Variants in FBXL20 observed in about 807,000 individuals in gnomAD.
FBXL20 encodes the protein F-box/LRR-repeat protein 20.
FBXL20 carries 11 observed loss-of-function variants against 64.0 expected under a neutral mutation model. The ratio of observed to expected loss-of-function variants is 0.17; its 90% CI spans 0.11 to 0.28. The LOEUF (loss-of-function observed/expected upper bound fraction) is 0.28. FBXL20 is among the 10% of genes least tolerant of loss of function. FBXL20 has a pLI of 1.00. For synonymous variants in FBXL20, 184 were observed against 189.0 expected, an observed-to-expected ratio of 0.97 and a Z score of 0.22; for missense variants, 303 against 526.2, an observed-to-expected ratio of 0.58 and a Z score of 4.15.
At chr17:39,272,390 A>T (rs1187611728) in intron 10 of FBXL20, among the ~76,000 whole-genome samples, 1 of 148,218 alleles carries the variant, frequency 6.7e-6, no homozygotes, top group Non-Finnish European at 1.5e-5. Context: ...GTCTCAAAAA[A>T]AAAAAAAAAA....
At chr17:39,303,892 C>A (rs972090188) in intron 2 of FBXL20, among the ~76,000 whole-genome samples, 1 of 152,042 alleles carries the variant, frequency 6.6e-6, no homozygotes, top group Admixed American at 6.6e-5. Context: ...CACCATGTTG[C>A]CCAGGCTGGT....
chr17:39,397,852 A>T (rs2048198608), intron 1 of FBXL20, among the ~76,000 whole-genome samples: 1 of 149,132 alleles, frequency 6.7e-6, no homozygotes, highest in Non-Finnish European at 1.5e-5. Flanking sequence ...ATGACAGTGG[A>T]GTCAAAAAAA....
intron 2 of FBXL20, among the ~76,000 whole-genome samples, chr17:39,323,529 G>A (rs180817931): frequency 3.5e-4 from 51 of 146,586 alleles, no homozygotes; most frequent in African/African-American, 1.2e-3. Context: ...CAGTTAAGAA[G>A]GGGGTTTTCT....
At chr17:39,288,007 G>A (rs1404400535) in intron 6 of FBXL20, among the ~76,000 whole-genome samples, 3 of 135,180 alleles carry the variant, frequency 2.2e-5, no homozygotes, top group African/African-American at 6.0e-5. Flanking sequence ...TCTGTCACCC[G>A]GGCTGGAGTG....
Position 39,266,447 on chromosome 17 carries a change from C to T in FBXL20, c.934-994G>A, listed in dbSNP as rs769800874. On this transcript the variant is annotated intron_variant, in intron 12 of 14. Transcript: ENST00000264658. ...GTTGGCCAGGCAGATCTCAAACTCC[C>T]GACCTCAGGTGATCCACCTACCTCA... is the stretch of plus-strand genomic sequence containing the variant. Among the ~76,000 whole-genome samples the T allele has an allele frequency of 4.6e-5, 7 of 151,966 alleles. No individual in the cohort carries two copies. The East Asian group carries it at 9.6e-4, about 21-fold the overall frequency.
At chr17:39,401,798 G>C, upstream of FBXL20, 1 of 883,888 alleles carries the variant, frequency 1.1e-6, no homozygotes, top group Non-Finnish European at 1.4e-6. Flanking sequence ...GGCCGGCCCT[G>C]ACGGCGCTCC....
intron 4 of FBXL20, among the ~76,000 whole-genome samples, chr17:39,300,352 A>G (rs540100556): frequency 6.6e-6 from 1 of 152,308 alleles, no homozygotes; most frequent in South Asian, 2.1e-4. Flanking sequence ...ATCCTTAAGA[A>G]GCCATGAAGA....
chr17:39,307,482 G>A (rs1242136180), intron 2 of FBXL20, among the ~76,000 whole-genome samples: 2 of 152,174 alleles, frequency 1.3e-5, no homozygotes, highest in Non-Finnish European at 2.9e-5. Flanking sequence ...AGAATAGACA[G>A]TGAAGCTGGA....
intron 2 of FBXL20, among the ~76,000 whole-genome samples, chr17:39,328,964 G>A (rs1376276653): frequency 6.6e-6 from 1 of 152,164 alleles, no homozygotes; most frequent in African/African-American, 2.4e-5. Context: ...AGAGGTGGGA[G>A]GATTGCTTGA....
intron 2 of FBXL20, among the ~76,000 whole-genome samples, chr17:39,337,216 A>G (rs2047531648): frequency 6.6e-6 from 1 of 152,262 alleles, no homozygotes; most frequent in East Asian, 1.9e-4. Context: ...TCCAGCTCCT[A>G]ACCACGAGTG....
chr17:39,263,874 CTTTT>C (rs751141112), intron 14 of FBXL20: 12 of 159,870 alleles, frequency 7.5e-5, no homozygotes, highest in South Asian at 3.5e-4. Flanking sequence ...GTGGCATGTG[CTTTT>C]TTTTTTTTTT....
At chr17:39,315,802 T>C (rs2047282163) in intron 2 of FBXL20, among the ~76,000 whole-genome samples, 2 of 128,132 alleles carry the variant, frequency 1.6e-5, no homozygotes, top group Non-Finnish European at 3.5e-5. Context: ...GAAGAGGGGA[T>C]CTTTGAGAGA....
In FBXL20 at chr17:39,401,352, A is replaced by G. The variant is rs906885264; in HGVS notation, c.42+9T>C. ...CTCCTCACGCCGCCCGAGCCCCCCA[A>G]GCTCACACCTCAAACCTGCTCTTGG... On this transcript the variant is annotated intron_variant, in intron 1 of 14. Transcript: ENST00000264658. The G allele has an allele frequency of 1.2e-6, 2 of 1,612,944 alleles. No homozygotes were observed. Among genetic ancestry groups the G allele is most frequent in the East Asian group, 2.2e-5 (1 of 44,832 alleles).
intron 7 of FBXL20, 33 bp downstream of exon 7, chr17:39,285,444 TG>T: frequency 7.1e-7 from 1 of 1,406,044 alleles, no homozygotes; most frequent in Non-Finnish European, 9.7e-7. Context: ...TATTTTTTTT[TG>T]ATTACTTGAC....
At chr17:39,280,436 G>A (rs920729774) in intron 9 of FBXL20, among the ~76,000 whole-genome samples, 2 of 151,178 alleles carry the variant, frequency 1.3e-5, no homozygotes, top group South Asian at 2.1e-4. Flanking sequence ...GCTGGGTGTG[G>A]CGTGTAATCC....
chr17:39,333,113 G>A (rs992206097), intron 2 of FBXL20, among the ~76,000 whole-genome samples: 1 of 151,868 alleles, frequency 6.6e-6, no homozygotes, highest in Non-Finnish European at 1.5e-5. Context: ...TACTATTTTA[G>A]AAGGAAAAAA....
Position 39,329,435 on chromosome 17 carries a change from T to A in FBXL20, c.104+13745A>T, listed in dbSNP as rs1164077674. Among the ~76,000 whole-genome samples the A allele has an allele frequency of 2.0e-5, 3 of 151,996 alleles. No individual in the cohort carries two copies. In the South Asian group the frequency reaches 6.2e-4, roughly 32 times the overall value. ...ATCTGAGATACTGGCTGGAACTGAA[T>A]CAAGAAGAAAAATATTTTCCCCCTT... On this transcript the variant is annotated intron_variant, in intron 2 of 14. Coordinates refer to ENST00000264658, the MANE Select transcript of FBXL20 (RefSeq NM_032875.3).
chr17:39,351,260 C>T (rs959376436), intron 1 of FBXL20, among the ~76,000 whole-genome samples: 1 of 147,738 alleles, frequency 6.8e-6, no homozygotes, highest in Non-Finnish European at 1.5e-5. Flanking sequence ...TGCTCGAAAC[C>T]GGGAGGGGGA....
Position 39,337,066 on chromosome 17 carries a change from G to C in FBXL20, c.104+6114C>G, listed in dbSNP as rs1216159269. On this transcript the variant is annotated intron_variant, in intron 2 of 14. Coordinates refer to ENST00000264658, the MANE Select transcript of FBXL20 (RefSeq NM_032875.3). ...AGCTGGACTGTACTGCTGCCATCTC[G>C]GCTCACTGCAACCTCCCTGCCTGAT... Among the ~76,000 whole-genome samples the C allele has an allele frequency of 2.6e-5, 4 of 151,926 alleles. No homozygotes were observed. The East Asian group carries it at 7.8e-4, about 30-fold the overall frequency.
Sources: allele counts gnomAD v4.1 joint callset (sites outside exome capture counted in the v4.1 genomes callset), GRCh38; gene constraint gnomAD v4.1.1; transcripts MANE v1.5; gene names NCBI Gene and HGNC (gene_info 2026-07-23, HGNC 2026-07-21).